The following PARP16 variants were observed in gnomAD, a reference collection of about 807,000 sequenced individuals.
PARP16 encodes the protein protein mono-ADP-ribosyltransferase PARP16.
In PARP16, 31 loss-of-function variants were observed where a neutral mutation model predicts 35.0. The ratio of observed to expected loss-of-function variants is 0.88; its 90% CI spans 0.66 to 1.19. PARP16 has a LOEUF of 1.19. Ranked by LOEUF, PARP16 falls within the 50% of genes most tolerant of loss-of-function variation. The pLI, the probability that PARP16 is intolerant of heterozygous loss-of-function variation, is 0.00. For missense variants in PARP16, 424 were observed against 411.2 expected, an observed-to-expected ratio of 1.03 and a Z score of -0.27; for synonymous variants, 162 against 169.5, an observed-to-expected ratio of 0.96 and a Z score of 0.34.
chr15:65,239,422 C>T (rs1300615175), intron 3 of PARP16, among the ~76,000 whole-genome samples: 1 of 12,524 alleles, frequency 8.0e-5, no homozygotes, highest in Non-Finnish European at 1.5e-4. Flanking sequence ...CAAGACTTTG[C>T]CTAAAAAAAA....
intron 3 of PARP16, among the ~76,000 whole-genome samples, chr15:65,265,091 C>T (rs1041207241): frequency 2.0e-5 from 3 of 152,182 alleles, no homozygotes; most frequent in Admixed American, 6.5e-5. Flanking sequence ...CAAAACCCAA[C>T]GACATTAACC....
downstream of PARP16, among the ~76,000 whole-genome samples, chr15:65,257,883 G>A (rs2089563781): frequency 6.6e-6 from 1 of 152,078 alleles, no homozygotes; most frequent in Admixed American, 6.5e-5. Flanking sequence ...CTTTGATCCT[G>A]CTCGTATTCC....
At chr15:65,266,219 T>C (rs2089886649) in intron 3 of PARP16, among the ~76,000 whole-genome samples, 1 of 152,210 alleles carries the variant, frequency 6.6e-6, no homozygotes, top group African/African-American at 2.4e-5. Context: ...GCATCTGGGA[T>C]TTTTAAAAGC....
At chr15:65,262,753 A>G (rs2089778295) in intron 4 of PARP16, among the ~76,000 whole-genome samples, 1 of 152,196 alleles carries the variant, frequency 6.6e-6, no homozygotes, top group Admixed American at 6.5e-5. Context: ...CCGGTGCCCA[A>G]GAATGAATGA....
intron 1 of PARP16, among the ~76,000 whole-genome samples, chr15:65,276,402 C>A (rs1207625607): frequency 6.6e-6 from 1 of 152,120 alleles, no homozygotes; most frequent in African/African-American, 2.4e-5. Flanking sequence ...GGGATGGGGT[C>A]TCACTCTGTC....
intron 1 of PARP16, among the ~76,000 whole-genome samples, chr15:65,279,662 A>G (rs527895648): frequency 7.2e-5 from 11 of 152,362 alleles, no homozygotes; most frequent in African/African-American, 2.4e-4. Flanking sequence ...TGAGATATCA[A>G]GTATAGACCT....
chr15:65,286,276 C>G lies in PARP16; in HGVS notation c.151G>C (p.Asp51His), dbSNP rs553093494. ...ACCAGGGCTTCAAAGTCCTTACAGT[C>G]GCCGCGGGCGTAGGACGCGGGGAAG... ...RPFPASYARG[D>H]CKDFEALLAD... The change falls in exon 1 of 6, where the codon GAC becomes CAC. Residue 51 changes from aspartate (D) to histidine (H), a missense_variant. Transcript: ENST00000649807. The G allele has an allele frequency of 2.5e-6, 4 of 1,592,152 alleles. No individual in the cohort carries two copies. The highest frequency in any genetic ancestry group is 1.1e-5 in the South Asian group (1 of 88,238).
At chr15:65,272,397 G>A (rs141143925) in intron 1 of PARP16, among the ~76,000 whole-genome samples, 9 of 152,324 alleles carry the variant, frequency 5.9e-5, no homozygotes, top group African/African-American at 2.2e-4. Flanking sequence ...TGGACTAACA[G>A]ATAGCAACAA....
At position 65,286,839 on chromosome 15, in the gene PARP16, CCA is replaced by C. The variant is rs1380787428; in HGVS notation, c.-415_-414del. On this transcript the variant is annotated 5_prime_UTR_variant, in exon 1 of 6. Coordinates refer to ENST00000649807, the MANE Select transcript of PARP16 (RefSeq NM_001316943.2). ...GCCCCCGGGGGACGGCGGGCAGAGC[CCA>C]CTCTCCGCGACGGGCGAGGCTGCTG... 1 of 171,354 alleles carries C rather than the reference CCA, an allele frequency of 5.8e-6. No individual in the cohort carries two copies. The highest frequency in any genetic ancestry group is 2.4e-5 in the African/African-American group (1 of 42,236). 10.6% of individuals were successfully genotyped at this position (171,354 alleles called of 1,614,324 possible).
chr15:65,242,158 C>A (rs1052219919), intron 3 of PARP16, among the ~76,000 whole-genome samples: 1 of 152,146 alleles, frequency 6.6e-6, no homozygotes, highest in Admixed American at 6.6e-5. Context: ...TTGTCACCTT[C>A]ATAAAAAATC....
At chr15:65,284,811 CTTTTTTTTTTT>C (rs35683940) in intron 1 of PARP16, among the ~76,000 whole-genome samples, 1,801 of 72,324 alleles carry the variant, frequency 0.025, 60 homozygotes, top group African/African-American at 0.083. Context: ...AATCCAACGT[CTTTTTTTTTTT>C]TTTTTTTTTT....
At chr15:65,250,530 G>C (rs1359760878) in intron 2 of PARP16, among the ~76,000 whole-genome samples, 1 of 152,142 alleles carries the variant, frequency 6.6e-6, no homozygotes, top group Non-Finnish European at 1.5e-5. Flanking sequence ...AAACAGAATA[G>C]TATCTGCCTT....
chr15:65,240,068 A>G (rs1415936987), intron 3 of PARP16, among the ~76,000 whole-genome samples: 3 of 148,206 alleles, frequency 2.0e-5, no homozygotes, highest in Admixed American at 6.9e-5. Context: ...GGCTCAAGCA[A>G]TCCTCCCACA....
At chr15:65,266,801 T>A (rs1159781878) in intron 2 of PARP16, 33 bp from the exon 3 acceptor site, 1 of 1,513,130 alleles carries the variant, frequency 6.6e-7, no homozygotes, top group South Asian at 1.2e-5. Context: ...AAATTTTATT[T>A]GGGGAGCTGG....
At chr15:65,281,266 C>T (rs1349875946) in intron 1 of PARP16, among the ~76,000 whole-genome samples, 1 of 152,216 alleles carries the variant, frequency 6.6e-6, no homozygotes, top group South Asian at 2.1e-4. Flanking sequence ...TCTCATCCAA[C>T]CCTGGTCCCA....
chr15:65,252,472 C>G (rs1413281199), intron 2 of PARP16, among the ~76,000 whole-genome samples: 1 of 152,172 alleles, frequency 6.6e-6, no homozygotes, highest in African/African-American at 2.4e-5. Flanking sequence ...AAGCAGCCTG[C>G]GATCCATGCT....
At chr15:65,256,514 T>C (rs1273702649), downstream of PARP16, among the ~76,000 whole-genome samples, 1 of 151,008 alleles carries the variant, frequency 6.6e-6, no homozygotes, top group East Asian at 2.0e-4. Context: ...TTCATGCCAT[T>C]CTCCTGCCTG....
intron 2 of PARP16, among the ~76,000 whole-genome samples, chr15:65,269,063 G>A (rs76188363): frequency 0.016 from 2,387 of 151,994 alleles, 56 homozygotes; most frequent in African/African-American, 0.049. Flanking sequence ...GTATTATTTG[G>A]AATGGGGACT....
intron 1 of PARP16, among the ~76,000 whole-genome samples, chr15:65,275,471 G>A (rs1273256386): frequency 9.2e-5 from 14 of 152,114 alleles, no homozygotes; most frequent in Admixed American, 3.3e-4. Flanking sequence ...ATAGGGTCCC[G>A]GTGGAGATTA....
Sources: allele counts gnomAD v4.1 joint callset (sites outside exome capture counted in the v4.1 genomes callset), GRCh38; gene constraint gnomAD v4.1.1; transcripts MANE v1.5; gene names NCBI Gene and HGNC (gene_info 2026-07-23, HGNC 2026-07-21).